TMCO1: variants seen among roughly 807,000 people sequenced by gnomAD.
TMCO1 encodes the protein calcium load-activated calcium channel.
TMCO1 carries 29 observed loss-of-function variants against 29.3 expected under a neutral mutation model. That is an observed-to-expected ratio of 0.99 (90% confidence interval 0.74 to 1.35). The LOEUF (loss-of-function observed/expected upper bound fraction) is 1.35, where lower values mean the gene tolerates loss of function less well. Ranked by LOEUF, TMCO1 falls within the 40% of genes most tolerant of loss-of-function variation. The probability of loss-of-function intolerance (pLI) is 0.00; values close to 1 mark genes in which losing one functional copy is unlikely to be tolerated. For synonymous variants in TMCO1, 80 were observed against 77.1 expected, an observed-to-expected ratio of 1.04 and a Z score of -0.20; for missense variants, 173 against 225.5, an observed-to-expected ratio of 0.77 and a Z score of 1.49.
chr1:165,743,583 TA>T lies in TMCO1; in HGVS notation c.324-273del, dbSNP rs1434454261. On this transcript the variant is annotated intron_variant, in intron 5 of 6. Transcript: ENST00000367881. The stretch of plus-strand genomic sequence containing the variant: ...TATACTGACAAATTATTTAGGACCC[TA>T]AAAACTTTGTGTTTCTGTAGCTTAT... 2.0e-5 allele frequency among the ~76,000 whole-genome samples: 3 copies of T among 152,278 alleles called. No homozygotes were observed. In the East Asian group the frequency reaches 5.8e-4, roughly 29 times the overall value.
intron 5 of TMCO1, among the ~76,000 whole-genome samples, chr1:165,748,327 C>T (rs912341479): frequency 6.6e-5 from 10 of 151,904 alleles, no homozygotes; most frequent in Non-Finnish European, 1.3e-4. Context: ...CCTGAGGGAG[C>T]GAAAGCAGGC....
In TMCO1 at chr1:165,768,841, C is replaced by T. The variant is rs75840847; in HGVS notation, c.-90G>A. 10,142 of 1,587,788 alleles carry T rather than the reference C, an allele frequency of 6.4e-3. 561 individuals are homozygous for T. The African/African-American group carries it at 0.12, about 18-fold the overall frequency. On this transcript the variant is annotated 5_prime_UTR_variant, in exon 1 of 7. Transcript: ENST00000367881. ...AAGCGAAAACGGCTTCCGTAGACTC[C>T]GCCACCACCGAGTAACAGACCAACT... is the stretch of plus-strand genomic sequence containing the variant.
intron 6 of TMCO1, among the ~76,000 whole-genome samples, chr1:165,730,602 T>C (rs183861535): frequency 2.6e-5 from 4 of 152,344 alleles, no homozygotes; most frequent in East Asian, 1.9e-4. Context: ...AGACTTTGTA[T>C]TTCTTTTTCT....
At chr1:165,734,624 G>C (rs1465548645) in intron 6 of TMCO1, among the ~76,000 whole-genome samples, 1 of 151,924 alleles carries the variant, frequency 6.6e-6, no homozygotes, top group African/African-American at 2.4e-5. Context: ...CTCTTCCTTA[G>C]CCTCCCAAGT....
chr1:165,745,918 C>G (rs960165579), intron 5 of TMCO1, among the ~76,000 whole-genome samples: 1 of 152,002 alleles, frequency 6.6e-6, no homozygotes, highest in Non-Finnish European at 1.5e-5. Flanking sequence ...GAAAACAAAA[C>G]AAGCAAATAA....
chr1:165,729,712 G>T (rs1651066722), intron 6 of TMCO1, among the ~76,000 whole-genome samples: 1 of 152,172 alleles, frequency 6.6e-6, no homozygotes, highest in Admixed American at 6.5e-5. Context: ...CTAAAACTCA[G>T]AAAGGTATGA....
At chr1:165,743,678 G>C (rs1471909969) in intron 5 of TMCO1, among the ~76,000 whole-genome samples, 3 of 151,948 alleles carry the variant, frequency 2.0e-5, no homozygotes, top group Non-Finnish European at 2.9e-5. Flanking sequence ...TTTTGAGACG[G>C]AGTCTTGCCG....
chr1:165,728,734 T>A (rs1304226998), intron 6 of TMCO1, among the ~76,000 whole-genome samples: 5 of 152,110 alleles, frequency 3.3e-5, no homozygotes, highest in Non-Finnish European at 7.4e-5. Context: ...ATTCATTAGC[T>A]ATTTCTTATG....
chr1:165,746,040 G>C (rs1280093772), intron 5 of TMCO1, among the ~76,000 whole-genome samples: 2 of 152,198 alleles, frequency 1.3e-5, no homozygotes, highest in Non-Finnish European at 2.9e-5. Context: ...CCAGCACTTT[G>C]GGAGGCTGAG....
At chr1:165,766,773 TAAATA>T (rs200726409) in intron 2 of TMCO1, among the ~76,000 whole-genome samples, 32 of 138,074 alleles carry the variant, frequency 2.3e-4, no homozygotes, top group Non-Finnish European at 4.6e-4. Context: ...AATAAATAAA[TAAATA>T]AAAAATAAAA....
rs1157623844 is a variant in TMCO1, at chr1:165,753,102, T to C, written c.256-933A>G. Among the ~76,000 whole-genome samples the C allele has an allele frequency of 3.3e-5, 5 of 152,288 alleles. No individual in the cohort carries two copies. The South Asian group carries it at 1.0e-3, about 32-fold the overall frequency. ...TCAAATAAAGCCTACTCTTAATAAA[T>C]AATGAGGAAATTGGTAGTGAAATCA... On this transcript the variant is annotated intron_variant, in intron 4 of 6. Transcript: ENST00000367881.
intron 1 of TMCO1, 172 bp downstream of exon 1, chr1:165,768,510 C>T (rs1652666383): frequency 2.6e-6 from 4 of 1,548,598 alleles, no homozygotes; most frequent in Non-Finnish European, 3.5e-6. Context: ...CGGCAATCGA[C>T]TCCATACTCC....
chr1:165,745,224 T>C (rs981957833), intron 5 of TMCO1, among the ~76,000 whole-genome samples: 8 of 149,846 alleles, frequency 5.3e-5, no homozygotes, highest in Non-Finnish European at 1.2e-4. Context: ...GGTCTTCCTA[T>C]GTTGCTCAGG....
chr1:165,740,891 T>C (rs1232698554), intron 6 of TMCO1, among the ~76,000 whole-genome samples: 2 of 152,228 alleles, frequency 1.3e-5, no homozygotes, highest in African/African-American at 4.8e-5. Context: ...ACCATGCTCT[T>C]GGCCTTCCTG....
chr1:165,763,206 C>T (rs553885448), intron 2 of TMCO1, among the ~76,000 whole-genome samples: 1 of 152,184 alleles, frequency 6.6e-6, no homozygotes, highest in East Asian at 1.9e-4. Flanking sequence ...ATACTACGTT[C>T]TGAATACAAA....
At chr1:165,758,988 A>C (rs1652299915) in intron 3 of TMCO1, among the ~76,000 whole-genome samples, 1 of 152,236 alleles carries the variant, frequency 6.6e-6, no homozygotes, top group Admixed American at 6.5e-5. Context: ...TATAAAAACA[A>C]ATCATATACA....
At chr1:165,764,915 C>G (rs1328462372) in intron 2 of TMCO1, among the ~76,000 whole-genome samples, 1 of 152,050 alleles carries the variant, frequency 6.6e-6, no homozygotes, top group Non-Finnish European at 1.5e-5. Context: ...GAAGTTTAGA[C>G]TAGGTGGTGA....
chr1:165,756,119 G>T (rs767172281), intron 3 of TMCO1, among the ~76,000 whole-genome samples: 2 of 151,878 alleles, frequency 1.3e-5, no homozygotes, highest in Non-Finnish European at 2.9e-5. Context: ...TAAAGTCTGG[G>T]AGTAATACTT....
downstream of TMCO1, chr1:165,725,043 TATATAA>T (rs756507284): frequency 0.03 from 6,695 of 222,658 alleles, 247 homozygotes; most frequent in South Asian, 0.064. Flanking sequence ...TATATATATA[TATATAA>T]AATAGTGTAT....
Sources: allele counts gnomAD v4.1 joint callset (sites outside exome capture counted in the v4.1 genomes callset), GRCh38; gene constraint gnomAD v4.1.1; transcripts MANE v1.5; gene names NCBI Gene and HGNC (gene_info 2026-07-23, HGNC 2026-07-21).